The following MEFV variants were observed in gnomAD, a reference collection of about 807,000 sequenced individuals.
The protein encoded by MEFV is pyrin.
A neutral mutation model predicts 62.5 loss-of-function variants in MEFV; 60 were observed. The observed-to-expected ratio is 0.96, with a 90% CI of 0.78 to 1.19. The LOEUF (loss-of-function observed/expected upper bound fraction) is 1.19. Ranked by LOEUF, MEFV falls within the 50% of genes most tolerant of loss-of-function variation. MEFV has a pLI of 0.00. For missense variants in MEFV, 1,169 were observed against 1,004.5 expected (o/e 1.16, Z -2.21); for synonymous variants, 500 against 415.2 (o/e 1.20, Z -2.48).
At chr16:3,252,618 CCT>C (rs1207494565) in intron 2 of MEFV, among the ~76,000 whole-genome samples, 1 of 151,804 alleles carries the variant, frequency 6.6e-6, no homozygotes, top group Non-Finnish European at 1.5e-5. Flanking sequence ...TGTGATTTCT[CCT>C]CTCCAGCCAA....
intron 2 of MEFV, chr16:3,251,981 C>A (rs563555718): frequency 7.0e-6 from 3 of 425,852 alleles, no homozygotes; most frequent in Non-Finnish European, 1.4e-5. Context: ...GTTTCGGAGG[C>A]AAAGATGGGA....
chr16:3,247,966 C>CAA (rs1345212821), intron 4 of MEFV: 3 of 125,352 alleles, frequency 2.4e-5, no homozygotes, highest in Non-Finnish European at 3.4e-5. Context: ...CCCTAAAAAA[C>CAA]AAAAAAACCA....
Position 3,254,579 on chromosome 16 carries a change from C to T in MEFV, c.489G>A (p.Glu163=). 1.3e-6 allele frequency: 2 copies of T among 1,586,648 alleles called. No individual in the cohort carries two copies. Among genetic ancestry groups the T allele is most frequent in the South Asian group, 2.2e-5 (2 of 89,414 alleles). The change falls in exon 2 of 10, where the codon GAG becomes GAA. Residue 163 remains glutamate, a synonymous_variant. Coordinates refer to ENST00000219596, the MANE Select transcript of MEFV (RefSeq NM_000243.3). ...LSRKPLSKRR[E]KASEGLDAQG... ...GCGCGTCCAGGCCCTCCGAGGCCTT[C>T]TCTCTGCGTTTGCTCAGGGGCTTCC...
intron 4 of MEFV, 100 bp downstream of exon 4, chr16:3,248,809 C>T: frequency 6.2e-7 from 1 of 1,602,390 alleles, no homozygotes; most frequent in Non-Finnish European, 8.5e-7. Context: ...GTGGCCATCC[C>T]TGCTGCCCTG....
rs1596350113 is a variant in MEFV at position 3,243,502 on chromosome 16, T to C, written c.1985A>G (p.Lys662Arg). Residue 662 changes from lysine to arginine, a missense_variant, in exon 10 of 10, where the codon AAG (lysine) becomes AGG (arginine). Transcript: ENST00000219596. The stretch of plus-strand genomic sequence containing the variant: ...GCAGGCTCCCAGGATCCATGCTGTC[T>C]TGTCTCCAACCTCCACCTCCCAGTA... ...RRYWEVEVGD[K>R]TAWILGACKT... 2 of 1,614,122 alleles carry C rather than the reference T, an allele frequency of 1.2e-6. No homozygotes were observed. Among genetic ancestry groups the C allele is most frequent in the East Asian group, 2.2e-5 (1 of 44,886 alleles).
Position 3,248,901 on chromosome 16 carries a change from G to A in MEFV, c.1356+8C>T. On this transcript the variant is annotated splice_region_variant and intron_variant, in intron 4 of 9. Transcript: ENST00000219596. ...GACGGATGGGCCATCAGCCACCTCTGACCTTACCAGAAAGCTCACTGCCTT... is the reference window on the plus strand; with the variant it reads ...GACGGATGGGCCATCAGCCACCTCTAACCTTACCAGAAAGCTCACTGCCTT... 4 of 1,613,988 alleles carry A rather than the reference G, an allele frequency of 2.5e-6. No individual in the cohort carries two copies. The highest frequency in any genetic ancestry group is 3.4e-6 in the Non-Finnish European group (4 of 1,179,890).
intron 1 of MEFV, among the ~76,000 whole-genome samples, chr16:3,255,673 C>T (rs2141678724): frequency 6.6e-6 from 1 of 152,142 alleles, no homozygotes; most frequent in Non-Finnish European, 1.5e-5. Context: ...TCCCAAAGTG[C>T]TGAGATTATT....
At chr16:3,252,044 C>A (rs1474051649) in intron 2 of MEFV, 3 of 322,076 alleles carry the variant, frequency 9.3e-6, no homozygotes, top group Non-Finnish European at 1.8e-5. Context: ...TAGCAAGACC[C>A]CATATCTAAA....
At chr16:3,251,373 C>T (rs2081037564) in intron 2 of MEFV, among the ~76,000 whole-genome samples, 1 of 152,164 alleles carries the variant, frequency 6.6e-6, no homozygotes, top group South Asian at 2.1e-4. Flanking sequence ...CCCCTCTGTT[C>T]CTCCATCTTG....
chr16:3,249,642 G>C lies in MEFV; in HGVS notation c.1049C>G (p.Pro350Arg), dbSNP rs1280958629. The change falls in exon 3 of 10, where the codon CCT becomes CGT. Residue 350 changes from proline (P) to arginine (R), a missense_variant. Pro to Arg is a moderately radical substitution (Grantham distance 103). Transcript: ENST00000219596. ...GGAGTCCTGGCACCGGGGGCAGCCA[G>C]GTGAGCGGCTGCCTGAGGCCTGGGG... Reference protein sequence around the residue: ...GHPQASGSRSPGCPRCQDSHE... With the variant: ...GHPQASGSRSRGCPRCQDSHE... The C allele has an allele frequency of 6.2e-7, 1 of 1,613,758 alleles. No individual in the cohort carries two copies. Among genetic ancestry groups the C allele is most frequent in the Non-Finnish European group, 8.5e-7 (1 of 1,179,884 alleles).
intron 2 of MEFV, among the ~76,000 whole-genome samples, chr16:3,252,307 CTT>C (rs1959048171): frequency 7.0e-6 from 1 of 142,206 alleles, no homozygotes; most frequent in Non-Finnish European, 1.5e-5. Flanking sequence ...GAGTTTTGCT[CTT>C]GTCGCCCAGG....
chr16:3,251,767 C>G (rs1959037120), intron 2 of MEFV, among the ~76,000 whole-genome samples: 1 of 152,038 alleles, frequency 6.6e-6, no homozygotes, highest in East Asian at 1.9e-4. Context: ...GTCCATAAAC[C>G]CCTTGGATTC....
Position 3,254,513 on chromosome 16 carries a change from C to G in MEFV, c.555G>C (p.Gly185=), listed in dbSNP as rs1959085819. The G allele has an allele frequency of 3.2e-6, 5 of 1,561,862 alleles. No homozygotes were observed. The highest frequency in any genetic ancestry group is 4.3e-6 in the Non-Finnish European group (5 of 1,157,414). ...GCGCCCTGCAGGGGCCGGGGCTTCTCCCGCCCGGCAGGGCCGGGCTCCGGG... is the reference window on the plus strand; with the variant it reads ...GCGCCCTGCAGGGGCCGGGGCTTCTGCCGCCCGGCAGGGCCGGGCTCCGGG... ...PRTRSPALPG[G]RSPGPCRALE... The change falls in exon 2 of 10, where the codon GGG becomes GGC. Residue 185 remains glycine, a synonymous_variant. Transcript: ENST00000219596.
intron 2 of MEFV, among the ~76,000 whole-genome samples, chr16:3,250,987 G>A (rs1227227211): frequency 7.4e-6 from 1 of 135,464 alleles, no homozygotes; most frequent in East Asian, 2.2e-4. Flanking sequence ...TTGCGCCACT[G>A]CACTCCAGTC....
At chr16:3,251,992 G>A (rs921287417) in intron 2 of MEFV, 8 of 430,548 alleles carry the variant, frequency 1.9e-5, no homozygotes, top group Admixed American at 9.6e-5. Flanking sequence ...AAAGATGGGA[G>A]GATTGTTTGA....
chr16:3,248,813 T>C, intron 4 of MEFV, 96 bp downstream of exon 4: 1 of 1,603,882 alleles, frequency 6.2e-7, no homozygotes, highest in Non-Finnish European at 8.5e-7. Context: ...CCATCCCTGC[T>C]GCCCTGTGAA....
Position 3,254,209 on chromosome 16 carries a change from C to G in MEFV, c.859G>C (p.Ala287Pro), listed in dbSNP as rs758662689. 5 of 1,614,280 alleles carry G rather than the reference C, an allele frequency of 3.1e-6. No individual in the cohort carries two copies. In the South Asian group the frequency reaches 5.5e-5, roughly 18 times the overall value. The change falls in exon 2 of 10, where the codon GCA (alanine) becomes CCA (proline). Residue 287 changes from alanine (A) to proline (P), a missense_variant. Coordinates refer to ENST00000219596, the MANE Select transcript of MEFV (RefSeq NM_000243.3). ...GGGCCTTCCTTCAGGTCCGCAGATG[C>G]CCCTCCATCCGGAGTGGGCCTTGCC... is the stretch of plus-strand genomic sequence containing the variant. ...PRARPTPDGG[A>P]SADLKEGPGN...
At chr16:3,245,890 A>ATTAT (rs1958935958) in intron 6 of MEFV, among the ~76,000 whole-genome samples, 1 of 152,220 alleles carries the variant, frequency 6.6e-6, no homozygotes, top group South Asian at 2.1e-4. Flanking sequence ...TCATAGCAAC[A>ATTAT]TTATTCACAA....
At chr16:3,254,858 GGAGA>G in intron 1 of MEFV, 68 bp from the exon 2 acceptor site, 1 of 1,600,614 alleles carries the variant, frequency 6.2e-7, no homozygotes, top group South Asian at 1.1e-5. Flanking sequence ...TCAGGGCAGA[GGAGA>G]GAGAATCCCC....
Sources: allele counts gnomAD v4.1 joint callset (sites outside exome capture counted in the v4.1 genomes callset), GRCh38; gene constraint gnomAD v4.1.1; transcripts MANE v1.5; gene names NCBI Gene and HGNC (gene_info 2026-07-23, HGNC 2026-07-21).